MACROD2: variants seen among roughly 807,000 people sequenced by gnomAD.
MACROD2 encodes mono-ADP ribosylhydrolase 2, also known as ADP-ribose glycohydrolase MACROD2.
Under a neutral mutation model 70.4 loss-of-function variants are expected in MACROD2, and 36 were observed. That is an observed-to-expected ratio of 0.51 (90% confidence interval 0.39 to 0.68). The LOEUF is 0.68. Ranked by LOEUF, MACROD2 falls within the 30% of genes least tolerant of loss-of-function variation. MACROD2 has a pLI of 0.00. For missense variants in MACROD2, 496 were observed against 538.4 expected (o/e 0.92, Z 0.78); for synonymous variants, 172 against 178.8 (o/e 0.96, Z 0.30).
chr20:15,146,265 G>A (rs2076229495), intron 5 of MACROD2, among the ~76,000 whole-genome samples: 1 of 152,082 alleles, frequency 6.6e-6, no homozygotes, highest in Non-Finnish European at 1.5e-5. Context: ...CGGAATATAG[G>A]ATTTCTAGAA....
intron 8 of MACROD2, among the ~76,000 whole-genome samples, chr20:15,720,621 A>C (rs2050774640): frequency 6.6e-6 from 1 of 152,154 alleles, no homozygotes; most frequent in African/African-American, 2.4e-5. Flanking sequence ...CTGTCCTAGA[A>C]TGTCTGCCTT....
At chr20:15,206,066 T>TTGTG (rs536118588) in intron 5 of MACROD2, among the ~76,000 whole-genome samples, 254 of 151,532 alleles carry the variant, frequency 1.7e-3, no homozygotes, top group South Asian at 0.016. Flanking sequence ...CCCCTTTGCC[T>TTGTG]TGTGTGTGTG....
chr20:14,931,182 A>G (rs755674702), intron 5 of MACROD2, among the ~76,000 whole-genome samples: 3 of 152,090 alleles, frequency 2.0e-5, no homozygotes, highest in African/African-American at 4.8e-5. Flanking sequence ...CCAGGCCCCT[A>G]TTGATTCCAA....
At chr20:15,630,735 G>A (rs892068609) in intron 8 of MACROD2, among the ~76,000 whole-genome samples, 5 of 152,230 alleles carry the variant, frequency 3.3e-5, no homozygotes, top group Non-Finnish European at 5.9e-5. Flanking sequence ...AAGGGAGAGG[G>A]TGGTCTTTTC....
chr20:16,009,557 G>A (rs746430910), intron 15 of MACROD2, among the ~76,000 whole-genome samples: 6 of 152,122 alleles, frequency 3.9e-5, no homozygotes, highest in Non-Finnish European at 5.9e-5. Flanking sequence ...AGGAGTTCGA[G>A]ACCAACATGG....
intron 3 of MACROD2, among the ~76,000 whole-genome samples, chr20:14,088,444 T>C (rs1359611080): frequency 3.3e-5 from 5 of 151,520 alleles, no homozygotes; most frequent in Non-Finnish European, 5.9e-5. Flanking sequence ...ATCTTTTAAA[T>C]TTTTAAAAAA....
chr20:15,188,531 C>G lies in MACROD2; in HGVS notation c.419-41409C>G, dbSNP rs187940474. On this transcript the variant is annotated intron_variant, in intron 5 of 17. Transcript: ENST00000684519. ...ACTATTTAGTGGATTCAGCACTGTT[C>G]ATTTTGTGTGAAAGCCCGTATTCTT... Among the ~76,000 whole-genome samples, 4 of 152,262 alleles carry G rather than the reference C, an allele frequency of 2.6e-5. No individual in the cohort carries two copies. In the East Asian group the frequency reaches 7.7e-4, roughly 29 times the overall value.
chr20:14,954,760 A>AT (rs1491523536), intron 5 of MACROD2, among the ~76,000 whole-genome samples: 1 of 18,154 alleles, frequency 5.5e-5, no homozygotes, highest in African/African-American at 4.3e-4. Context: ...ATATATAAAT[A>AT]AATTTTATAT....
At chr20:15,224,713 G>C (rs900540692) in intron 5 of MACROD2, among the ~76,000 whole-genome samples, 12 of 152,140 alleles carry the variant, frequency 7.9e-5, no homozygotes, top group African/African-American at 2.2e-4. Context: ...GGGAGACCAA[G>C]GTGGGTGGAT....
chr20:15,274,552 C>A (rs1042874622), intron 6 of MACROD2, among the ~76,000 whole-genome samples: 1 of 152,214 alleles, frequency 6.6e-6, no homozygotes, highest in African/African-American at 2.4e-5. Context: ...AGTAGACTAA[C>A]GTCCTCTGGT....
At chr20:15,414,046 C>G (rs2146328766) in intron 6 of MACROD2, among the ~76,000 whole-genome samples, 1 of 152,270 alleles carries the variant, frequency 6.6e-6, no homozygotes, top group Middle Eastern at 3.4e-3. Flanking sequence ...GCAGCTGAGT[C>G]AAGCCTAAAC....
intron 8 of MACROD2, among the ~76,000 whole-genome samples, chr20:15,710,733 A>G (rs961584358): frequency 3.3e-5 from 5 of 152,216 alleles, no homozygotes; most frequent in African/African-American, 1.2e-4. Flanking sequence ...AAAGCAAAGT[A>G]GTATTTTCAT....
At chr20:14,448,114 A>C (rs757884658) in intron 3 of MACROD2, among the ~76,000 whole-genome samples, 44 of 151,848 alleles carry the variant, frequency 2.9e-4, no homozygotes, top group Non-Finnish European at 6.0e-4. Context: ...AGAACTTTGC[A>C]GCCCGTCTTT....
At chr20:14,206,425 A>G (rs1349395812) in intron 3 of MACROD2, among the ~76,000 whole-genome samples, 1 of 152,204 alleles carries the variant, frequency 6.6e-6, no homozygotes, top group African/African-American at 2.4e-5. Context: ...CCATTTTGGC[A>G]TATAAAAACG....
intron 7 of MACROD2, among the ~76,000 whole-genome samples, chr20:15,455,353 A>G (rs1488336820): frequency 6.6e-6 from 1 of 152,140 alleles, no homozygotes; most frequent in Non-Finnish European, 1.5e-5. Context: ...GTGGCAGCTT[A>G]TCCGGTTACT....
At chr20:15,942,226 C>T (rs1291562382) in intron 12 of MACROD2, among the ~76,000 whole-genome samples, 1 of 152,098 alleles carries the variant, frequency 6.6e-6, no homozygotes, top group Non-Finnish European at 1.5e-5. Flanking sequence ...CTGACTGGCT[C>T]ATGGATCAAG....
At chr20:14,630,770 G>T (rs893499884) in intron 4 of MACROD2, among the ~76,000 whole-genome samples, 14 of 152,176 alleles carry the variant, frequency 9.2e-5, no homozygotes, top group Non-Finnish European at 1.6e-4. Flanking sequence ...ACATTTGAAA[G>T]AGTTCCTTAT....
intron 6 of MACROD2, among the ~76,000 whole-genome samples, chr20:15,403,443 G>A (rs938687085): frequency 7.4e-6 from 1 of 135,156 alleles, no homozygotes; most frequent in Non-Finnish European, 1.7e-5. Flanking sequence ...GGAGGAGGAC[G>A]AGGAGGAGGA....
chr20:14,108,489 A>T (rs1374023646), intron 3 of MACROD2, among the ~76,000 whole-genome samples: 2 of 151,866 alleles, frequency 1.3e-5, no homozygotes, highest in African/African-American at 4.8e-5. Flanking sequence ...AAAAAAAAAA[A>T]AGCTAGACCC....
Sources: gnomAD v4.1 joint callset for allele counts (sites outside exome capture counted in the v4.1 genomes callset) on GRCh38, gnomAD v4.1.1 for gene constraint, MANE v1.5 for transcripts, NCBI Gene and HGNC (gene_info 2026-07-23, HGNC 2026-07-21) for gene names.